SORCS3: variants seen among roughly 807,000 people sequenced by gnomAD.
SORCS3 encodes VPS10 domain-containing receptor SorCS3.
A neutral mutation model predicts 146.3 loss-of-function variants in SORCS3; 57 were observed. The observed-to-expected ratio is 0.39, with a 90% CI of 0.31 to 0.49. The LOEUF (loss-of-function observed/expected upper bound fraction) is 0.49, where lower values mean the gene tolerates loss of function less well. SORCS3 is among the 20% of genes least tolerant of loss of function. The pLI, the probability that SORCS3 is intolerant of heterozygous loss-of-function variation, is 0.92. For synonymous variants in SORCS3, 653 were observed against 618.5 expected (o/e 1.06, Z -0.83); for missense variants, 1,341 against 1,575.5 (o/e 0.85, Z 2.52).
intron 4 of SORCS3, among the ~76,000 whole-genome samples, chr10:105,011,435 G>A (rs992414592): frequency 6.6e-6 from 1 of 152,150 alleles, no homozygotes; most frequent in Non-Finnish European, 1.5e-5. Context: ...TTTCTTTCGT[G>A]TATCTGACTT....
intron 7 of SORCS3, among the ~76,000 whole-genome samples, chr10:105,129,422 A>G (rs1409285414): frequency 6.8e-6 from 1 of 146,994 alleles, no homozygotes; most frequent in Non-Finnish European, 1.5e-5. Flanking sequence ...AGAGGGGGCA[A>G]TGTTTTGATA....
intron 1 of SORCS3, among the ~76,000 whole-genome samples, chr10:104,742,661 A>G (rs1216544154): frequency 2.6e-5 from 4 of 152,220 alleles, no homozygotes; most frequent in African/African-American, 9.7e-5. Flanking sequence ...TTAACATCAG[A>G]GCCAGGTCTG....
chr10:105,142,336 C>T (rs1037857845), intron 8 of SORCS3, among the ~76,000 whole-genome samples: 21 of 152,140 alleles, frequency 1.4e-4, no homozygotes, highest in Admixed American at 1.2e-3. Context: ...TGGCTTATTG[C>T]AGACCCCCTC....
chr10:104,861,959 C>A (rs2018408616), intron 2 of SORCS3, among the ~76,000 whole-genome samples: 1 of 152,174 alleles, frequency 6.6e-6, no homozygotes, highest in South Asian at 2.1e-4. Context: ...CGCATGTGTG[C>A]CTGTGTCCAA....
intron 1 of SORCS3, among the ~76,000 whole-genome samples, chr10:104,702,305 A>T (rs2016288771): frequency 6.6e-6 from 1 of 152,044 alleles, no homozygotes; most frequent in African/African-American, 2.4e-5. Context: ...ACTTTTTGAG[A>T]CCTAGTCTCT....
At chr10:104,928,719 CAG>C (rs1437049842) in intron 3 of SORCS3, among the ~76,000 whole-genome samples, 4 of 152,092 alleles carry the variant, frequency 2.6e-5, no homozygotes, top group Non-Finnish European at 4.4e-5. Flanking sequence ...CCAGATGGCT[CAG>C]GGGTGGGTTT....
intron 4 of SORCS3, among the ~76,000 whole-genome samples, chr10:105,042,372 G>T (rs2055343616): frequency 6.6e-6 from 1 of 152,158 alleles, no homozygotes; most frequent in Non-Finnish European, 1.5e-5. Context: ...CAACATGGTA[G>T]AATTATTATT....
chr10:104,738,477 G>C (rs983230641), intron 1 of SORCS3, among the ~76,000 whole-genome samples: 3 of 152,164 alleles, frequency 2.0e-5, no homozygotes, highest in Non-Finnish European at 4.4e-5. Context: ...GAAGATCCTG[G>C]AAGTAAATGA....
intron 6 of SORCS3, among the ~76,000 whole-genome samples, chr10:105,090,253 G>A (rs1311192742): frequency 6.6e-6 from 1 of 152,098 alleles, no homozygotes; most frequent in African/African-American, 2.4e-5. Context: ...TTGCAAAACT[G>A]TTTATTCATC....
intron 2 of SORCS3, among the ~76,000 whole-genome samples, chr10:104,864,181 G>A (rs981176388): frequency 1.3e-5 from 2 of 152,156 alleles, no homozygotes; most frequent in Admixed American, 6.5e-5. Flanking sequence ...ATGTAGTATG[G>A]TTTTCTGGCT....
intron 1 of SORCS3, among the ~76,000 whole-genome samples, chr10:104,757,807 A>T (rs761097296): frequency 6.6e-6 from 1 of 151,904 alleles, no homozygotes; most frequent in Non-Finnish European, 1.5e-5. Context: ...GAGAAGTTTC[A>T]CAGCACAGGT....
rs186527356 is a variant in SORCS3 at position 104,754,967 on chromosome 10, A to G, written c.628-87825A>G. Among the ~76,000 whole-genome samples, 674 of 152,284 alleles carry G rather than the reference A, an allele frequency of 4.4e-3. 3 individuals are homozygous for G. Among genetic ancestry groups the G allele is most frequent in the Non-Finnish European group, 7.7e-3 (523 of 68,012 alleles). ...TCCAGATGGAGTCAGGGTGGGTTGG[A>G]GGGGGATGCCAAAGAAGAAATTAAA... On this transcript the variant is annotated intron_variant, in intron 1 of 26. Transcript: ENST00000369701.
intron 4 of SORCS3, among the ~76,000 whole-genome samples, chr10:105,035,129 G>T (rs2055297225): frequency 6.6e-6 from 1 of 152,214 alleles, no homozygotes; most frequent in Non-Finnish European, 1.5e-5. Context: ...ACCCCTGGGG[G>T]ACAGTGGTAA....
intron 6 of SORCS3, among the ~76,000 whole-genome samples, chr10:105,091,165 CTTCCT>C (rs1396606927): frequency 7.3e-6 from 1 of 137,216 alleles, no homozygotes; most frequent in East Asian, 2.4e-4. Flanking sequence ...CTTCCCTTCC[CTTCCT>C]TTCCTCCTTC....
chr10:105,104,436 C>G (rs2055807357), intron 6 of SORCS3, among the ~76,000 whole-genome samples: 1 of 152,082 alleles, frequency 6.6e-6, no homozygotes, highest in African/African-American at 2.4e-5. Context: ...AATCAGAAAG[C>G]CTTTTGGAGC....
intron 11 of SORCS3, among the ~76,000 whole-genome samples, chr10:105,159,431 A>G (rs1299177464): frequency 6.6e-6 from 1 of 152,328 alleles, no homozygotes; most frequent in East Asian, 1.9e-4. Context: ...GTGCATGTAA[A>G]GGCTTGTTTA....
intron 10 of SORCS3, 50 bp from the exon 11 acceptor site, chr10:105,158,842 A>G (rs1436804776): frequency 3.6e-6 from 5 of 1,404,984 alleles, no homozygotes; most frequent in Non-Finnish European, 5.0e-6. Context: ...GGGCAGGGGT[A>G]CAGGTGTCTG....
chr10:105,235,497 T>A (rs936621206), intron 20 of SORCS3, among the ~76,000 whole-genome samples: 4 of 151,354 alleles, frequency 2.6e-5, no homozygotes, highest in African/African-American at 7.3e-5. Flanking sequence ...TTTTTTTTTT[T>A]AAACTCATAA....
intron 7 of SORCS3, among the ~76,000 whole-genome samples, chr10:105,126,246 A>G (rs1030189837): frequency 2.0e-5 from 3 of 152,158 alleles, no homozygotes; most frequent in Admixed American, 1.3e-4. Context: ...ACAAAAGTCT[A>G]CACACACTCA....
Sources: allele counts gnomAD v4.1 joint callset (sites outside exome capture counted in the v4.1 genomes callset), GRCh38; gene constraint gnomAD v4.1.1; transcripts MANE v1.5; gene names NCBI Gene and HGNC (gene_info 2026-07-23, HGNC 2026-07-21).